The following HECTD3 variants were observed in gnomAD, a reference collection of about 807,000 sequenced individuals.
HECTD3 encodes the protein E3 ubiquitin-protein ligase HECTD3.
A neutral mutation model predicts 109.3 loss-of-function variants in HECTD3; 72 were observed. That is an observed-to-expected ratio of 0.66 (90% CI 0.54 to 0.80). The LOEUF is 0.80. HECTD3 is among the 30% of genes least tolerant of loss of function. The probability of loss-of-function intolerance (pLI) is 0.00; values close to 1 mark genes in which losing one functional copy is unlikely to be tolerated. For synonymous variants in HECTD3, 481 were observed against 471.8 expected, an observed-to-expected ratio of 1.02 and a Z score of -0.25; for missense variants, 1,041 against 1,165.2, an observed-to-expected ratio of 0.89 and a Z score of 1.55.
At chr1:45,009,518 A>C in intron 5 of HECTD3, 36 bp from the exon 6 acceptor site, 1 of 1,605,890 alleles carries the variant, frequency 6.2e-7, no homozygotes, top group Non-Finnish European at 8.5e-7. Flanking sequence ...GTCTTTGTGA[A>C]CCCACAGGGA....
intron 15 of HECTD3, 27 bp downstream of exon 15, chr1:45,005,767 G>A (rs1442619412): frequency 9.7e-6 from 15 of 1,552,528 alleles, no homozygotes; most frequent in Non-Finnish European, 1.3e-5. Context: ...CTGGGCAGAG[G>A]AAACACTGGT....
In HECTD3 at chr1:45,006,867, CCAT is replaced by C; in HGVS notation, c.1622-75_1622-73del. ...CATAATGGGGTAATGAATAGGTCCC[CCAT>C]CATCATTAGCTGGTGAAAAGCCTCT... is the stretch of plus-strand genomic sequence containing the variant. On this transcript the variant is annotated intron_variant, in intron 12 of 20. Coordinates refer to ENST00000372172, the MANE Select transcript of HECTD3 (RefSeq NM_024602.6). The surrounding 1 kb of genome is among the most constrained non-coding windows in gnomAD (Gnocchi z 4.7). 1 of 1,581,634 alleles carries C rather than the reference CCAT, an allele frequency of 6.3e-7. No individual in the cohort carries two copies. The highest frequency in any genetic ancestry group is 1.1e-5 in the South Asian group (1 of 90,326).
rs1473571742 is a variant in HECTD3, at chr1:45,011,122, C to T, written c.136G>A (p.Glu46Lys). The change falls in exon 1 of 21, where the codon GAG becomes AAG. Residue 46 changes from glutamate (E) to lysine (K), a missense_variant. Glu to Lys is a moderately conservative substitution (Grantham distance 56). Coordinates refer to ENST00000372172, the MANE Select transcript of HECTD3 (RefSeq NM_024602.6). ...LPAALAFVPR[E>K]VLYKLYKDPA... Reference sequence around the variant, plus strand: ...TCCTTGTAAAGCTTGTAGAGCACCTCTCGCGGCACGAAAGCCAGCGCTGCT... The same window carrying T: ...TCCTTGTAAAGCTTGTAGAGCACCTTTCGCGGCACGAAAGCCAGCGCTGCT... 3 of 1,512,160 alleles carry T rather than the reference C, an allele frequency of 2.0e-6. No homozygotes were observed. The highest frequency in any genetic ancestry group is 2.7e-5 in the East Asian group (1 of 36,776). 93.7% of individuals were successfully genotyped at this position (1,512,160 alleles called of 1,614,324 possible).
chr1:45,008,315 G>C lies in HECTD3; in HGVS notation c.1245C>G (p.Ile415Met), dbSNP rs766715692. ...GGTGCAGGACACTATCGAGGATCTT[G>C]ATGAATCTGGCATGGGTAGATAGAC... The part of the protein sequence containing the change: ...YRRAVLLQRF[I>M]KILDSVLHHL... The change falls in exon 9 of 21, where the codon ATC becomes ATG. Residue 415 changes from isoleucine (I) to methionine (M), a missense_variant. Around this residue, in one of 2 missense-constraint regions of HECTD3, gnomAD observed 569 missense variants for 715.3 expected, o/e 0.80. Coordinates refer to ENST00000372172, the MANE Select transcript of HECTD3 (RefSeq NM_024602.6). The C allele has an allele frequency of 8.7e-6, 14 of 1,613,690 alleles. No individual in the cohort carries two copies. Among genetic ancestry groups the C allele is most frequent in the African/African-American group, 1.3e-5 (1 of 75,030 alleles).
In HECTD3 at chr1:45,003,456, G is replaced by A. The variant is rs757083325; in HGVS notation, c.*36C>T. 95 of 1,587,854 alleles carry A rather than the reference G, an allele frequency of 6.0e-5. No individual in the cohort carries two copies. Among genetic ancestry groups the A allele is most frequent in the Non-Finnish European group, 7.4e-5 (86 of 1,156,660 alleles). On this transcript the variant is annotated 3_prime_UTR_variant, in exon 21 of 21. Coordinates refer to ENST00000372172, the MANE Select transcript of HECTD3 (RefSeq NM_024602.6). The surrounding 1 kb of genome is among the most constrained non-coding windows in gnomAD (Gnocchi z 4.7). ...CCCTGGGCAAGGCCAAGAGGGACACGTGCAGTCTTGCTGGTCCCACAGCCG... is the reference window on the plus strand; with the variant it reads ...CCCTGGGCAAGGCCAAGAGGGACACATGCAGTCTTGCTGGTCCCACAGCCG...
rs771477805 is a variant in HECTD3, at chr1:45,008,543, G to A, written c.1231C>T (p.Leu411=). 1 of 1,612,952 alleles carries A rather than the reference G, an allele frequency of 6.2e-7. No individual in the cohort carries two copies. Among genetic ancestry groups the A allele is most frequent in the African/African-American group, 1.3e-5 (1 of 75,032 alleles). ...PEVLYRRAVL[L]QRFIKILDSV... ...GTCCAGGACCACAGCCACCTCTGCA[G>A]GAGGACAGCTCTGCGGTACAGTACT... The change falls in exon 8 of 21, where the codon CTG becomes TTG. Residue 411 remains leucine, a synonymous_variant. Coordinates refer to ENST00000372172, the MANE Select transcript of HECTD3 (RefSeq NM_024602.6).
rs745812661 is a variant in HECTD3, at chr1:45,010,601, T to G, written c.475A>C (p.Asn159His). 2 of 1,613,222 alleles carry G rather than the reference T, an allele frequency of 1.2e-6. No homozygotes were observed. Among genetic ancestry groups the G allele is most frequent in the African/African-American group, 2.7e-5 (2 of 74,914 alleles). ...AGCTGCTGCTGCCGCTGGAGGTGGTTGGGAGTGTCGATGGGTACCAGGCGG... is the reference window on the plus strand; with the variant it reads ...AGCTGCTGCTGCCGCTGGAGGTGGTGGGGAGTGTCGATGGGTACCAGGCGG... ...GARLVPIDTP[N>H]HLQRQQQLFG... Residue 159 changes from asparagine (N) to histidine (H), a missense_variant, in exon 2 of 21, where the codon AAC becomes CAC. By Grantham distance (68) the Asn-to-His change is moderately conservative (BLOSUM62 1). This residue lies in a region of HECTD3 where 472 missense variants were observed against 449.9 expected (regional missense o/e 1.05). Transcript: ENST00000372172.
chr1:45,010,866 G>A (rs1239478638), intron 1 of HECTD3, 23 bp downstream of exon 1: 3 of 1,510,836 alleles, frequency 2.0e-6, no homozygotes, highest in Non-Finnish European at 2.6e-6. Flanking sequence ...CTTTTACCGG[G>A]TCCTGGGCAG....
Position 45,010,314 on chromosome 1 carries a change from G to A in HECTD3, c.531-21C>T, listed in dbSNP as rs749246596. 4 of 1,607,654 alleles carry A rather than the reference G, an allele frequency of 2.5e-6. No homozygotes were observed. In the South Asian group the frequency reaches 3.3e-5, roughly 13 times the overall value. On this transcript the variant is annotated intron_variant, in intron 2 of 20. Coordinates refer to ENST00000372172, the MANE Select transcript of HECTD3 (RefSeq NM_024602.6). ...CCCACCTGTGGGCACAGAGTAGGGA[G>A]TGGGATGGGGAGACATCAGCGGTCA...
At chr1:45,008,120 G>A (rs1644752289) in intron 9 of HECTD3, 120 bp downstream of exon 9, 1 of 740,890 alleles carries the variant, frequency 1.3e-6, no homozygotes, top group South Asian at 1.8e-5. Flanking sequence ...TTCTTCCTAT[G>A]TTCCCAGACC....
chr1:45,006,195 C>T lies in HECTD3; in HGVS notation c.1726-79G>A, dbSNP rs1390951385. 2 of 1,539,206 alleles carry T rather than the reference C, an allele frequency of 1.3e-6. No individual in the cohort carries two copies. The highest frequency in any genetic ancestry group is 1.4e-5 in the African/African-American group (1 of 73,540). On this transcript the variant is annotated intron_variant, in intron 13 of 20. Transcript: ENST00000372172. The surrounding 1 kb of genome is among the most constrained non-coding windows in gnomAD (Gnocchi z 4.7). ...GCCCAAAGACTTCCCTGAACATTTTCCACTGGGAACATTTTCCACTAAATG... is the reference window on the plus strand; with the variant it reads ...GCCCAAAGACTTCCCTGAACATTTTTCACTGGGAACATTTTCCACTAAATG...
In HECTD3 at chr1:45,009,202, G is replaced by A. The variant is rs1168431960; in HGVS notation, c.1014C>T (p.Val338=). 1 of 1,613,960 alleles carries A rather than the reference G, an allele frequency of 6.2e-7. No individual in the cohort carries two copies. The highest frequency in any genetic ancestry group is 8.5e-7 in the Non-Finnish European group (1 of 1,179,888). The part of the protein sequence containing the change: ...IDETLIGDVC[V]LEDMTVHLPI... The stretch of plus-strand genomic sequence containing the variant: ...GGAGGTGGACGGTCATGTCCTCCAG[G>A]ACACAGACATCCCCGATGAGGGTCC... Residue 338 remains valine (V), a synonymous_variant, in exon 7 of 21, where the codon GTC becomes GTT. Transcript: ENST00000372172.
chr1:45,011,089 C>T lies in HECTD3; in HGVS notation c.169G>A (p.Gly57Arg). 4.7e-6 allele frequency: 7 copies of T among 1,486,126 alleles called. No homozygotes were observed. The highest frequency in any genetic ancestry group is 6.2e-6 in the Non-Finnish European group (7 of 1,123,754). 92.1% of individuals were successfully genotyped at this position (1,486,126 alleles called of 1,614,324 possible). The stretch of plus-strand genomic sequence containing the variant: ...ACCGGCAGAAGCACGCGCGACGGTC[C>T]CGCTGGGTCCTTGTAAAGCTTGTAG... ...VLYKLYKDPA[G>R]PSRVLLPVWE... Residue 57 changes from glycine to arginine, a missense_variant, in exon 1 of 21, where the codon GGA becomes AGA. This residue lies in a region of HECTD3 where 472 missense variants were observed against 449.9 expected (regional missense o/e 1.05). Transcript: ENST00000372172.
chr1:45,010,881 G>C lies in HECTD3; in HGVS notation c.369+8C>G, dbSNP rs1177580331. On this transcript the variant is annotated splice_region_variant and intron_variant, in intron 1 of 20. Coordinates refer to ENST00000372172, the MANE Select transcript of HECTD3 (RefSeq NM_024602.6). Reference sequence around the variant, plus strand: ...CTTTTACCGGGTCCTGGGCAGGGAAGAGCGCACCTTTGTCAGCTTCACCCA... The same window carrying C: ...CTTTTACCGGGTCCTGGGCAGGGAACAGCGCACCTTTGTCAGCTTCACCCA... The C allele has an allele frequency of 6.6e-7, 1 of 1,517,416 alleles. No homozygotes were observed. Among genetic ancestry groups the C allele is most frequent in the South Asian group, 1.3e-5 (1 of 77,488 alleles). The allele number at this position is 1,517,416 out of a possible 1,614,324, so 94.0% of individuals were successfully genotyped here.
chr1:45,003,573 G>A lies in HECTD3; in HGVS notation c.2505C>T (p.Ala835=). 1 of 1,614,174 alleles carries A rather than the reference G, an allele frequency of 6.2e-7. No homozygotes were observed. The highest frequency in any genetic ancestry group is 8.5e-7 in the Non-Finnish European group (1 of 1,180,004). ...STLFLPHYAS[A]KVCEEKLRYA... ...AGCGGAGCTTCTCCTCGCATACCTT[G>A]GCACTGTGGGAATGGGGACTTGGTC... Residue 835 remains alanine, a synonymous_variant, in exon 21 of 21, where the codon GCC becomes GCT. Coordinates refer to ENST00000372172, the MANE Select transcript of HECTD3 (RefSeq NM_024602.6). This position sits in a 1 kb window ranked among gnomAD's most constrained non-coding sequence, Gnocchi z 4.7.
chr1:45,007,211 T>A lies in HECTD3; in HGVS notation c.1556+8A>T. ...GTCCCGAGTAAGTCCCTCACTCTCA[T>A]GCCATACCTGTAGTCCAGGGGCTTT... On this transcript the variant is annotated splice_region_variant and intron_variant, in intron 11 of 20. Coordinates refer to ENST00000372172, the MANE Select transcript of HECTD3 (RefSeq NM_024602.6). 6.2e-7 allele frequency: 1 copy of A among 1,611,340 alleles called. No homozygotes were observed. Among genetic ancestry groups the A allele is most frequent in the Non-Finnish European group, 8.5e-7 (1 of 1,178,070 alleles).
chr1:45,007,262 C>T lies in HECTD3; in HGVS notation c.1513G>A (p.Gly505Ser), dbSNP rs1414786746. The T allele has an allele frequency of 1.2e-6, 2 of 1,613,350 alleles. No individual in the cohort carries two copies. The highest frequency in any genetic ancestry group is 1.7e-6 in the Non-Finnish European group (2 of 1,179,614). The change falls in exon 11 of 21, where the codon GGC (glycine) becomes AGC (serine). Residue 505 changes from glycine to serine, a missense_variant. Transcript: ENST00000372172. ...KNAVFTQVYE[G>S]LKPSDKYEKP... The stretch of plus-strand genomic sequence containing the variant: ...TCATATTTGTCAGAGGGCTTGAGGC[C>T]TTCATATACCTGGAGGCAAGGAGGA...
chr1:45,010,754 C>A, intron 1 of HECTD3, 48 bp from the exon 2 acceptor site: 1 of 1,521,892 alleles, frequency 6.6e-7, no homozygotes, highest in Non-Finnish European at 8.8e-7. Context: ...ACTGCCCAGC[C>A]GCCTGTCGTG....
intron 6 of HECTD3, 44 bp from the exon 7 acceptor site, chr1:45,009,270 G>A (rs756771910): frequency 1.3e-6 from 2 of 1,561,146 alleles, no homozygotes; most frequent in South Asian, 1.1e-5. Context: ...TCCTGCCTCA[G>A]GCCTTCAGAG....
Sources: gnomAD v4.1 joint callset for allele counts on GRCh38, gnomAD v4.1.1 for gene constraint, gnomAD v4.1.1 regional missense constraint, Gnocchi (gnomAD v3.1) non-coding constraint, MANE v1.5 for transcripts, NCBI Gene and HGNC (gene_info 2026-07-23, HGNC 2026-07-21) for gene names.